Variants in MYO18B observed in about 807,000 individuals in gnomAD.
The protein encoded by MYO18B is unconventional myosin-XVIIIb.
A neutral mutation model predicts 273.0 loss-of-function variants in MYO18B; 204 were observed. The ratio of observed to expected loss-of-function variants is 0.75; its 90% CI spans 0.67 to 0.84. The LOEUF (loss-of-function observed/expected upper bound fraction) is 0.84. Ranked by LOEUF, MYO18B falls within the 40% of genes least tolerant of loss-of-function variation. The pLI is 0.00. For missense variants in MYO18B, 3,212 were observed against 3,287.6 expected (o/e 0.98, Z 0.56); for synonymous variants, 1,330 against 1,305.7 (o/e 1.02, Z -0.40).
intron 39 of MYO18B, among the ~76,000 whole-genome samples, chr22:25,980,776 A>G (rs577083356): frequency 2.6e-5 from 4 of 152,324 alleles, no homozygotes; most frequent in East Asian, 1.9e-4. Context: ...GTGGTGTTGT[A>G]TTAGTTTTTT....
Position 25,768,224 on chromosome 22 carries a change from A to G in MYO18B, c.308A>G (p.Asp103Gly). The G allele has an allele frequency of 6.2e-7, 1 of 1,614,024 alleles. No individual in the cohort carries two copies. The highest frequency in any genetic ancestry group is 8.5e-7 in the Non-Finnish European group (1 of 1,179,894). ...DDQSSSPGSSDILGKESEGSR... is the reference protein window; with the variant it reads ...DDQSSSPGSSGILGKESEGSR... ...CAGTCAAGCTCTCCTGGGAGCTCAG[A>G]CATTCTGGGCAAGGAGAGCGAGGGG... Residue 103 changes from aspartate (D) to glycine (G), a missense_variant, in exon 4 of 44, where the codon GAC becomes GGC. Transcript: ENST00000335473.
At chr22:26,014,117 G>A (rs1451723182) in intron 42 of MYO18B, among the ~76,000 whole-genome samples, 3 of 151,984 alleles carry the variant, frequency 2.0e-5, no homozygotes, top group Non-Finnish European at 4.4e-5. Context: ...TGTAGACATT[G>A]TATTGATTTA....
At chr22:25,754,798 G>A (rs909493470) in intron 1 of MYO18B, among the ~76,000 whole-genome samples, 4 of 152,242 alleles carry the variant, frequency 2.6e-5, no homozygotes, top group Non-Finnish European at 4.4e-5. Flanking sequence ...GAGGGGGCAG[G>A]ACATGAGGGG....
At chr22:26,001,404 G>C (rs1569283140) in intron 40 of MYO18B, among the ~76,000 whole-genome samples, 1 of 152,172 alleles carries the variant, frequency 6.6e-6, no homozygotes, top group Admixed American at 6.5e-5. Context: ...TCTGAAGGGA[G>C]AAAAAGAGGG....
At chr22:25,748,139 T>G (rs1430301596) in intron 1 of MYO18B, among the ~76,000 whole-genome samples, 3 of 152,182 alleles carry the variant, frequency 2.0e-5, no homozygotes, top group Non-Finnish European at 4.4e-5. Flanking sequence ...AGGTGACAGA[T>G]GAGAAAACTG....
chr22:25,941,232 A>G (rs190848256), intron 34 of MYO18B, among the ~76,000 whole-genome samples: 1 of 152,260 alleles, frequency 6.6e-6, no homozygotes, highest in Non-Finnish European at 1.5e-5. Flanking sequence ...AAATTGCAGG[A>G]CCTTCATCTC....
intron 11 of MYO18B, among the ~76,000 whole-genome samples, chr22:25,791,322 C>T (rs777157301): frequency 7.2e-5 from 11 of 152,232 alleles, no homozygotes. Context: ...CTACACTGAG[C>T]ACCTGATGCA....
Position 25,798,034 on chromosome 22 carries a change from C to A in MYO18B, c.2458C>A (p.Gln820Lys). ...MEMLGISESE[Q>K]RAVWRVLAAI... The stretch of plus-strand genomic sequence containing the variant: ...GATGCTCGGCATCTCAGAGAGCGAG[C>A]AGCGGGCTGTTTGGCGGGTCCTGGC... Residue 820 changes from glutamine to lysine, a missense_variant, in exon 12 of 44, where the codon CAG becomes AAG. Coordinates refer to ENST00000335473, the MANE Select transcript of MYO18B (RefSeq NM_032608.7). 1 of 1,613,156 alleles carries A rather than the reference C, an allele frequency of 6.2e-7. No homozygotes were observed.
intron 42 of MYO18B, 103 bp from the exon 43 acceptor site, chr22:26,026,342 A>T (rs1936238568): frequency 7.4e-7 from 1 of 1,349,954 alleles, no homozygotes; most frequent in South Asian, 1.4e-5. Flanking sequence ...GTATTTCCAA[A>T]GAAAAATAAT....
intron 12 of MYO18B, among the ~76,000 whole-genome samples, chr22:25,803,730 T>C (rs1453095451): frequency 6.6e-6 from 1 of 151,976 alleles, no homozygotes; most frequent in African/African-American, 2.4e-5. Flanking sequence ...CTCTATAGGG[T>C]GAGGAGTGAT....
downstream of MYO18B, among the ~76,000 whole-genome samples, chr22:26,032,340 T>G (rs1936685420): frequency 6.6e-6 from 1 of 152,166 alleles, no homozygotes; most frequent in Non-Finnish European, 1.5e-5. Flanking sequence ...AGGGGTGGTT[T>G]TTCCTAAGGC....
intron 8 of MYO18B, 43 bp downstream of exon 8, chr22:25,777,824 G>T (rs114841099): frequency 6.6e-7 from 1 of 1,513,704 alleles, no homozygotes; most frequent in African/African-American, 1.4e-5. Context: ...GGGTCAGCAC[G>T]GGGAGAGTTG....
intron 12 of MYO18B, among the ~76,000 whole-genome samples, chr22:25,811,471 C>T (rs556735320): frequency 3.3e-5 from 5 of 152,274 alleles, no homozygotes; most frequent in South Asian, 2.1e-4. Flanking sequence ...ACATCGACAG[C>T]GGTGCATTAC....
chr22:25,995,684 C>T (rs1331262045), intron 40 of MYO18B, among the ~76,000 whole-genome samples: 2 of 152,172 alleles, frequency 1.3e-5, no homozygotes, highest in Admixed American at 1.3e-4. Context: ...GAGAAATCCC[C>T]TCTGGCTTTA....
At chr22:26,016,899 G>C (rs116467879) in intron 42 of MYO18B, among the ~76,000 whole-genome samples, 2,141 of 152,356 alleles carry the variant, frequency 0.014, 46 homozygotes, top group African/African-American at 0.049. Flanking sequence ...GAACATTAAA[G>C]GGTGAGTGAA....
intron 34 of MYO18B, among the ~76,000 whole-genome samples, chr22:25,924,022 G>A (rs995400977): frequency 2.0e-5 from 3 of 152,124 alleles, no homozygotes; most frequent in South Asian, 2.1e-4. Context: ...CTCTGCATCC[G>A]GCTCCTATCA....
At chr22:25,844,548 T>C (rs2090179535) in intron 18 of MYO18B, among the ~76,000 whole-genome samples, 2 of 152,218 alleles carry the variant, frequency 1.3e-5, no homozygotes, top group Admixed American at 1.3e-4. Flanking sequence ...ATAAACGCTT[T>C]ATGAGTATCT....
chr22:25,816,945 T>C (rs1289822560), intron 12 of MYO18B, among the ~76,000 whole-genome samples: 1 of 152,198 alleles, frequency 6.6e-6, no homozygotes, highest in South Asian at 2.1e-4. Context: ...AGTCACATAA[T>C]GTTGAGTAAT....
chr22:25,780,590 C>CAAAAAAAAAAAAAAAAAA (rs59082074), intron 9 of MYO18B, among the ~76,000 whole-genome samples: 2 of 65,218 alleles, frequency 3.1e-5, no homozygotes, highest in South Asian at 7.4e-4. Flanking sequence ...AACTCCATCT[C>CAAAAAAAAAAAAAAAAAA]AAAAAAAAAA....
Sources: gnomAD v4.1 joint callset for allele counts (sites outside exome capture counted in the v4.1 genomes callset) on GRCh38, gnomAD v4.1.1 for gene constraint, MANE v1.5 for transcripts, NCBI Gene and HGNC (gene_info 2026-07-23, HGNC 2026-07-21) for gene names.